ALDH1A2: variants seen among roughly 807,000 people sequenced by gnomAD.
The protein encoded by ALDH1A2 is retinal dehydrogenase 2.
In ALDH1A2, 27 loss-of-function variants were observed where a neutral mutation model predicts 60.3. That is an observed-to-expected ratio of 0.45 (90% confidence interval 0.33 to 0.62). ALDH1A2 has a LOEUF of 0.62. Ranked by LOEUF, ALDH1A2 falls within the 20% of genes least tolerant of loss-of-function variation. ALDH1A2 has a pLI of 0.02. For synonymous variants in ALDH1A2, 289 were observed against 232.4 expected (o/e 1.24, Z -2.21); for missense variants, 581 against 643.8 (o/e 0.90, Z 1.06).
intron 1 of ALDH1A2, among the ~76,000 whole-genome samples, chr15:58,024,472 A>AGTTCATT (rs1896019593): frequency 6.6e-6 from 1 of 152,220 alleles, no homozygotes; most frequent in Non-Finnish European, 1.5e-5. Context: ...TAAGCCAAGA[A>AGTTCATT]GTTCATTATA....
At chr15:58,027,765 T>A (rs548533084) in intron 1 of ALDH1A2, among the ~76,000 whole-genome samples, 2 of 151,936 alleles carry the variant, frequency 1.3e-5, no homozygotes, top group African/African-American at 4.8e-5. Context: ...CAAGCTTCAA[T>A]AGCTGATTCA....
At position 57,978,519 on chromosome 15, in the gene ALDH1A2, T is replaced by C. The variant is rs147867120; in HGVS notation, c.799-12692A>G. On this transcript the variant is annotated intron_variant, in intron 7 of 12. Coordinates refer to ENST00000249750, the MANE Select transcript of ALDH1A2 (RefSeq NM_003888.4). ...CTGCATATGTTGAACCAGCCTTGCA[T>C]AGCAGGGATAAAGCCGACTGGATTG... Among the ~76,000 whole-genome samples, 55 of 152,382 alleles carry C rather than the reference T, an allele frequency of 3.6e-4. 1 individual carries two copies. The Middle Eastern group carries it at 0.017, about 47-fold the overall frequency.
rs28529826 is a variant in ALDH1A2, at chr15:58,004,719, G to A, written c.493+5930C>T. Among the ~76,000 whole-genome samples the A allele has an allele frequency of 1.8e-3, 201 of 112,946 alleles. 1 individual carries two copies. The highest frequency in any genetic ancestry group is 5.6e-3 in the African/African-American group (188 of 33,602). 74.1% of individuals were successfully genotyped at this position (112,946 alleles called of 152,430 possible). A position where few individuals can be genotyped will look rare whatever the true frequency, so the allele number is the denominator to read the frequency against. ...TGTGTGTGTGCGTGTGTGTGTGTGT[G>A]TATATATATACATATATATATATAT... On this transcript the variant is annotated intron_variant, in intron 4 of 12. Coordinates refer to ENST00000249750, the MANE Select transcript of ALDH1A2 (RefSeq NM_003888.4).
At chr15:58,062,385 G>T (rs2140591116) in intron 1 of ALDH1A2, among the ~76,000 whole-genome samples, 1 of 152,254 alleles carries the variant, frequency 6.6e-6, no homozygotes, top group African/African-American at 2.4e-5. Context: ...GTGGAATACA[G>T]AGGACAAGTT....
At chr15:58,058,468 CAAAAA>C (rs1188637852) in intron 1 of ALDH1A2, among the ~76,000 whole-genome samples, 1 of 23,564 alleles carries the variant, frequency 4.2e-5, no homozygotes, top group African/African-American at 1.3e-4. Flanking sequence ...AAATGATATT[CAAAAA>C]AAAAAAAAAA....
intron 1 of ALDH1A2, chr15:58,036,463 T>C (rs572340373): frequency 2.6e-5 from 4 of 151,734 alleles, no homozygotes; most frequent in African/African-American, 9.6e-5. Flanking sequence ...AGAAGAGTTA[T>C]GGCTCTTAGT....
At chr15:58,004,724 TATATAC>T (rs1379289944) in intron 4 of ALDH1A2, among the ~76,000 whole-genome samples, 1 of 112,566 alleles carries the variant, frequency 8.9e-6, no homozygotes, top group African/African-American at 3.0e-5. Flanking sequence ...TGTGTGTATA[TATATAC>T]ATATATATAT....
At chr15:57,967,423 T>C (rs1443616297) in intron 7 of ALDH1A2, among the ~76,000 whole-genome samples, 2 of 152,108 alleles carry the variant, frequency 1.3e-5, no homozygotes, top group African/African-American at 4.8e-5. Context: ...TCTTCCACGT[T>C]CAATGGACAG....
At chr15:58,029,583 TAA>T (rs58827440) in intron 1 of ALDH1A2, among the ~76,000 whole-genome samples, 13,959 of 143,076 alleles carry the variant, frequency 0.098, 647 homozygotes, top group East Asian at 0.13. Flanking sequence ...AAAAATCCCC[TAA>T]AAAAAAAAAA....
At chr15:57,998,420 G>A (rs1895140846) in intron 4 of ALDH1A2, among the ~76,000 whole-genome samples, 1 of 151,882 alleles carries the variant, frequency 6.6e-6, no homozygotes. Flanking sequence ...GACAAGCAGA[G>A]AGCTAAATCA....
chr15:58,065,137 G>C, intron 1 of ALDH1A2: 1 of 288,568 alleles, frequency 3.5e-6, no homozygotes, highest in East Asian at 1.2e-4. Context: ...GCGGAGGACC[G>C]AGAGGCGACG....
chr15:57,987,089 A>G (rs1224107278), intron 7 of ALDH1A2, among the ~76,000 whole-genome samples: 5 of 152,238 alleles, frequency 3.3e-5, no homozygotes, highest in Admixed American at 2.6e-4. Flanking sequence ...CAGATTAAGC[A>G]TTACAGAAGA....
chr15:58,034,242 C>T (rs879317496), intron 1 of ALDH1A2, among the ~76,000 whole-genome samples: 5 of 151,230 alleles, frequency 3.3e-5, no homozygotes, highest in African/African-American at 7.3e-5. Context: ...TAAATGATAC[C>T]GTGTTTTTAA....
rs1259043203 is a variant in ALDH1A2 at position 57,962,263 on chromosome 15, GT to G, written c.1087-88del. ...GTTCTTGAGAATCTTTCATTTTAGG[GT>G]TTTTTTCAAAGTTTAACTACACCCA... On this transcript the variant is annotated intron_variant, in intron 9 of 12. Coordinates refer to ENST00000249750, the MANE Select transcript of ALDH1A2 (RefSeq NM_003888.4). 9.8e-6 allele frequency: 15 copies of G among 1,522,986 alleles called. No homozygotes were observed. The South Asian group carries it at 1.3e-4, about 13-fold the overall frequency. The allele number at this position is 1,522,986 out of a possible 1,614,324, so 94.3% of individuals were successfully genotyped here.
intron 7 of ALDH1A2, among the ~76,000 whole-genome samples, chr15:57,988,794 T>TG (rs1363837664): frequency 6.6e-6 from 1 of 152,222 alleles, no homozygotes; most frequent in African/African-American, 2.4e-5. Flanking sequence ...TAAGCACTTA[T>TG]GGTTTTATGG....
At chr15:57,975,905 T>A (rs1356291729) in intron 7 of ALDH1A2, among the ~76,000 whole-genome samples, 2 of 152,156 alleles carry the variant, frequency 1.3e-5, no homozygotes, top group East Asian at 3.9e-4. Flanking sequence ...TTGTGAACTC[T>A]ACTGATGGTT....
intron 1 of ALDH1A2, among the ~76,000 whole-genome samples, chr15:58,050,333 C>G (rs1385933960): frequency 6.6e-6 from 1 of 151,954 alleles, no homozygotes; most frequent in Non-Finnish European, 1.5e-5. Flanking sequence ...ATAAAAATCA[C>G]CAATGATTTC....
At chr15:57,962,271 C>A in intron 9 of ALDH1A2, 95 bp from the exon 10 acceptor site, 1 of 1,453,168 alleles carries the variant, frequency 6.9e-7, no homozygotes, top group Admixed American at 1.8e-5. Flanking sequence ...GGGTTTTTTT[C>A]AAAGTTTAAC....
chr15:57,955,170 T>G lies in ALDH1A2; in HGVS notation c.*27A>C. On this transcript the variant is annotated 3_prime_UTR_variant, in exon 13 of 13. Coordinates refer to ENST00000249750, the MANE Select transcript of ALDH1A2 (RefSeq NM_003888.4). The stretch of plus-strand genomic sequence containing the variant: ...AGCAGAGAGGGACAGACGTGCAGGC[T>G]GGGCTTCATCCTCCTTCTTGGCCTT... The G allele has an allele frequency of 1.9e-6, 3 of 1,610,230 alleles. 1 individual carries two copies. In the South Asian group the frequency reaches 3.3e-5, roughly 18 times the overall value.
Sources: allele counts gnomAD v4.1 joint callset (sites outside exome capture counted in the v4.1 genomes callset), GRCh38; gene constraint gnomAD v4.1.1; transcripts MANE v1.5; gene names NCBI Gene and HGNC (gene_info 2026-07-23, HGNC 2026-07-21).